Variants in DHRSX observed in about 807,000 individuals in gnomAD.
The protein encoded by DHRSX is polyprenol dehydrogenase.
In DHRSX, 31 loss-of-function variants were observed where a neutral mutation model predicts 34.0. That is an observed-to-expected ratio of 0.91 (90% CI 0.69 to 1.23). DHRSX has a LOEUF of 1.23. DHRSX is among the 50% of genes most tolerant of loss of function. DHRSX has a pLI of 0.00. For missense variants in DHRSX, 414 were observed against 428.1 expected (o/e 0.97, Z 0.29); for synonymous variants, 201 against 183.8 (o/e 1.09, Z -0.76).
chrX:2,401,157 C>G lies in DHRSX; in HGVS notation c.286+7588G>C, dbSNP rs570006348. Among the ~76,000 whole-genome samples the G allele has an allele frequency of 5.3e-3, 789 of 148,034 alleles. 7 individuals carry two copies. Among genetic ancestry groups the G allele is most frequent in the Middle Eastern group, 0.011 (3 of 282 alleles). ...TGAAGTTTTTCTCTGTCGCCCAGGC[C>G]GGAGTGCAGTGGCATGATCTCGGCT... On this transcript the variant is annotated intron_variant, in intron 3 of 6. Coordinates refer to ENST00000334651, the MANE Select transcript of DHRSX (RefSeq NM_145177.3).
chrX:2,438,328 T>C (rs868437058), intron 1 of DHRSX, among the ~76,000 whole-genome samples: 198 of 57,228 alleles, frequency 3.5e-3, no homozygotes, highest in Middle Eastern at 0.012. Context: ...CACACACACA[T>C]ATATATGCAT....
intron 5 of DHRSX, among the ~76,000 whole-genome samples, chrX:2,248,130 T>C (rs1044000459): frequency 6.6e-6 from 1 of 151,804 alleles, no homozygotes; most frequent in African/African-American, 2.4e-5. Flanking sequence ...AAACATCACC[T>C]CTACTGAAAA....
intron 5 of DHRSX, among the ~76,000 whole-genome samples, chrX:2,259,355 GATAGAT>G (rs962377545): frequency 6.4e-4 from 72 of 112,742 alleles, no homozygotes; most frequent in Non-Finnish European, 1.3e-3. Flanking sequence ...TAGATATATA[GATAGAT>G]ATAGATATAT....
intron 3 of DHRSX, among the ~76,000 whole-genome samples, chrX:2,401,044 C>A (rs865848041): frequency 1.1e-4 from 16 of 150,952 alleles, no homozygotes; most frequent in African/African-American, 3.7e-4. Context: ...GCACATGAAC[C>A]AAACAGCTAG....
intron 1 of DHRSX, chrX:2,488,864 T>C (rs1054612297): frequency 1.2e-6 from 2 of 1,613,324 alleles, no homozygotes; most frequent in African/African-American, 1.3e-5. Flanking sequence ...GAAGAGACGC[T>C]CAGGGGCGAC....
intron 4 of DHRSX, among the ~76,000 whole-genome samples, chrX:2,286,522 A>T (rs775102494): frequency 3.3e-5 from 5 of 152,262 alleles, no homozygotes; most frequent in Non-Finnish European, 7.4e-5. Flanking sequence ...GGCTTCACGA[A>T]GCTCCATGGT....
chrX:2,243,285 C>A, intron 5 of DHRSX, 55 bp from the exon 6 acceptor site: 1 of 1,512,022 alleles, frequency 6.6e-7, no homozygotes, highest in Admixed American at 1.8e-5. Context: ...CGCCTAAGTG[C>A]TTCATCCCAG....
intron 3 of DHRSX, among the ~76,000 whole-genome samples, chrX:2,353,915 C>G (rs1376949253): frequency 6.6e-6 from 1 of 152,078 alleles, no homozygotes; most frequent in African/African-American, 2.4e-5. Flanking sequence ...TGTATGCACA[C>G]ACCTCAGTTT....
At chrX:2,394,782 C>T (rs1049618565) in intron 3 of DHRSX, among the ~76,000 whole-genome samples, 4 of 151,554 alleles carry the variant, frequency 2.6e-5, no homozygotes, top group East Asian at 1.9e-4. Context: ...GGGAGAATGG[C>T]GTGAACCTGG....
At chrX:2,475,540 C>T (rs1201224969) in intron 1 of DHRSX, among the ~76,000 whole-genome samples, 5 of 150,094 alleles carry the variant, frequency 3.3e-5, no homozygotes, top group African/African-American at 1.2e-4. Context: ...ATTCCCTAAG[C>T]ATGTGGCTAA....
intron 1 of DHRSX, among the ~76,000 whole-genome samples, chrX:2,498,285 C>G (rs1323675837): frequency 6.6e-6 from 1 of 152,140 alleles, no homozygotes; most frequent in African/African-American, 2.4e-5. Flanking sequence ...AATTGGCCCT[C>G]TTGGTTATTC....
At chrX:2,282,376 GAGAGACAGAGAA>G (rs1217514682) in intron 4 of DHRSX, among the ~76,000 whole-genome samples, 3 of 141,884 alleles carry the variant, frequency 2.1e-5, no homozygotes, top group African/African-American at 7.7e-5. Context: ...GAAATAAGGG[GAGAGACAGAGAA>G]AGAGACAGAG....
intron 2 of DHRSX, among the ~76,000 whole-genome samples, chrX:2,419,002 T>A (rs186355934): frequency 9.9e-5 from 15 of 152,242 alleles, no homozygotes; most frequent in African/African-American, 3.1e-4. Context: ...CTCAAGTTCA[T>A]AAGAAGTTCT....
chrX:2,308,991 T>C (rs1279710525), intron 3 of DHRSX, among the ~76,000 whole-genome samples: 1 of 152,058 alleles, frequency 6.6e-6, no homozygotes, highest in African/African-American at 2.4e-5. Context: ...CTGTACTGTA[T>C]GAAAAAAGCT....
intron 4 of DHRSX, among the ~76,000 whole-genome samples, chrX:2,290,908 T>C (rs1003726036): frequency 6.6e-6 from 1 of 152,190 alleles, no homozygotes; most frequent in African/African-American, 2.4e-5. Flanking sequence ...ACATTAAGTG[T>C]TGCAATGATC....
At chrX:2,461,116 T>G (rs774143748) in intron 1 of DHRSX, among the ~76,000 whole-genome samples, 6 of 152,300 alleles carry the variant, frequency 3.9e-5, no homozygotes, top group African/African-American at 1.4e-4. Context: ...CTTTTAAAAC[T>G]TAAACATAAT....
intron 3 of DHRSX, among the ~76,000 whole-genome samples, chrX:2,332,732 CAAG>C (rs1602959445): frequency 1.3e-5 from 2 of 152,156 alleles, no homozygotes; most frequent in Non-Finnish European, 2.9e-5. Flanking sequence ...GAATCTTCGA[CAAG>C]AAGATTTCTT....
intron 3 of DHRSX, among the ~76,000 whole-genome samples, chrX:2,313,397 C>G (rs1249760269): frequency 6.8e-6 from 1 of 147,944 alleles, no homozygotes; most frequent in Non-Finnish European, 1.5e-5. Flanking sequence ...GAGATGTAGT[C>G]TCGCTCTGTC....
chrX:2,276,248 C>G (rs2041643056), intron 4 of DHRSX, among the ~76,000 whole-genome samples: 1 of 152,186 alleles, frequency 6.6e-6, no homozygotes, highest in Non-Finnish European at 1.5e-5. Flanking sequence ...TTTTAATCAT[C>G]AGCAAATATA....
Sources: allele counts gnomAD v4.1 joint callset (sites outside exome capture counted in the v4.1 genomes callset), GRCh38; gene constraint gnomAD v4.1.1; transcripts MANE v1.5; gene names NCBI Gene and HGNC (gene_info 2026-07-23, HGNC 2026-07-21).